The following DGKB variants were observed in gnomAD, a reference collection of about 807,000 sequenced individuals.
DGKB encodes diacylglycerol kinase beta.
A neutral mutation model predicts 114.3 loss-of-function variants in DGKB; 67 were observed. That is an observed-to-expected ratio of 0.59 (90% confidence interval 0.48 to 0.72). The LOEUF (loss-of-function observed/expected upper bound fraction) is 0.72, where lower values mean the gene tolerates loss of function less well. DGKB is among the 30% of genes least tolerant of loss of function. The pLI is 0.00. For synonymous variants in DGKB, 398 were observed against 323.1 expected (o/e 1.23, Z -2.49); for missense variants, 907 against 975.2 (o/e 0.93, Z 0.93).
intron 17 of DGKB, among the ~76,000 whole-genome samples, chr7:14,601,297 C>T (rs183079473): frequency 3.9e-5 from 6 of 152,122 alleles, no homozygotes; most frequent in Admixed American, 3.9e-4. Context: ...TGCTCTGAAT[C>T]CCTCTTTGAA....
chr7:14,591,895 A>T (rs1418645828), intron 17 of DGKB, among the ~76,000 whole-genome samples: 1 of 152,010 alleles, frequency 6.6e-6, no homozygotes, highest in East Asian at 1.9e-4. Flanking sequence ...CACACCAGGA[A>T]AACCTTTTTT....
chr7:14,283,995 A>G (rs1182530937), intron 23 of DGKB, among the ~76,000 whole-genome samples: 2 of 152,182 alleles, frequency 1.3e-5, no homozygotes, highest in African/African-American at 2.4e-5. Flanking sequence ...AATGGCAACA[A>G]AAGACAAAAT....
At chr7:14,584,978 C>T (rs964639518) in intron 17 of DGKB, among the ~76,000 whole-genome samples, 1 of 152,000 alleles carries the variant, frequency 6.6e-6, no homozygotes, top group Non-Finnish European at 1.5e-5. Flanking sequence ...TTTAATAATA[C>T]TTTAAAACTC....
At chr7:14,949,740 G>C (rs550553622) in intron 1 of DGKB, among the ~76,000 whole-genome samples, 49 of 151,978 alleles carry the variant, frequency 3.2e-4, no homozygotes, top group Admixed American at 2.9e-3. Context: ...AAGAAAATGT[G>C]GCACATATAC....
chr7:14,768,079 G>C (rs1263114175), intron 2 of DGKB, among the ~76,000 whole-genome samples: 1 of 151,924 alleles, frequency 6.6e-6, no homozygotes, highest in African/African-American at 2.4e-5. Flanking sequence ...TATTTATCCT[G>C]TGAGCATATA....
intron 23 of DGKB, among the ~76,000 whole-genome samples, chr7:14,217,598 TAAAA>T (rs950317802): frequency 6.9e-6 from 1 of 145,596 alleles, no homozygotes; most frequent in African/African-American, 2.5e-5. Context: ...CACGGGAAAT[TAAAA>T]AAAAAACTAG....
intron 9 of DGKB, among the ~76,000 whole-genome samples, chr7:14,691,198 T>A (rs1489155106): frequency 6.6e-6 from 1 of 152,210 alleles, no homozygotes; most frequent in African/African-American, 2.4e-5. Context: ...TGAAGATTAC[T>A]CTCCCAGGAC....
At chr7:14,660,485 A>C (rs1816810733) in intron 13 of DGKB, among the ~76,000 whole-genome samples, 1 of 152,094 alleles carries the variant, frequency 6.6e-6, no homozygotes, top group Non-Finnish European at 1.5e-5. Flanking sequence ...CATTTCTTCT[A>C]GATTTTCTAG....
intron 1 of DGKB, among the ~76,000 whole-genome samples, chr7:14,852,487 C>CAAAAAAAAAAAACAAAAAAA: frequency 1.6e-5 from 1 of 63,634 alleles, no homozygotes; most frequent in Non-Finnish European, 3.0e-5. Context: ...TAGTGAAAGT[C>CAAAAAAAAAAAACAAAAAAA]AAAAAAAAAA....
intron 23 of DGKB, among the ~76,000 whole-genome samples, chr7:14,255,365 G>A (rs1795812827): frequency 6.6e-6 from 1 of 152,090 alleles, no homozygotes; most frequent in Admixed American, 6.6e-5. Context: ...GAGTCAATAT[G>A]TGTATACTCT....
intron 20 of DGKB, among the ~76,000 whole-genome samples, chr7:14,512,293 A>G (rs1278428903): frequency 6.6e-6 from 1 of 152,112 alleles, no homozygotes; most frequent in Non-Finnish European, 1.5e-5. Flanking sequence ...AATCCACGTT[A>G]TTTTTACCTT....
intron 19 of DGKB, among the ~76,000 whole-genome samples, chr7:14,576,536 ATATAT>A (rs1475275369): frequency 6.6e-6 from 1 of 152,018 alleles, no homozygotes; most frequent in African/African-American, 2.4e-5. Context: ...GCATATAATT[ATATAT>A]TATAATATAG....
intron 1 of DGKB, among the ~76,000 whole-genome samples, chr7:14,850,828 T>C (rs778373295): frequency 4.6e-5 from 7 of 152,184 alleles, no homozygotes; most frequent in Admixed American, 3.9e-4. Flanking sequence ...CTAAGGAATC[T>C]AAAGGACAAA....
chr7:14,441,811 C>A (rs1461026637), intron 21 of DGKB, among the ~76,000 whole-genome samples: 1 of 151,914 alleles, frequency 6.6e-6, no homozygotes, highest in Non-Finnish European at 1.5e-5. Flanking sequence ...TTTAATGACA[C>A]ATTTAACAAA....
At chr7:14,960,693 T>A (rs1014061899) in intron 1 of DGKB, among the ~76,000 whole-genome samples, 1 of 152,086 alleles carries the variant, frequency 6.6e-6, no homozygotes, top group Admixed American at 6.6e-5. Flanking sequence ...TTCCCTAAAC[T>A]TTATTTGCTA....
At position 14,862,885 on chromosome 7, in the gene DGKB, A is replaced by T. The variant is rs1418972597; in HGVS notation, c.-187-21435T>A. 7.9e-5 allele frequency among the ~76,000 whole-genome samples: 12 copies of T among 152,212 alleles called. No homozygotes were observed. The East Asian group carries it at 2.1e-3, about 27-fold the overall frequency. On this transcript the variant is annotated intron_variant, in intron 1 of 25. Transcript: ENST00000402815. ...TTAATTCTACTGTGTTAAACATATT[A>T]TATAGCCACAAAATTTAGTATACTA... is the stretch of plus-strand genomic sequence containing the variant.
chr7:14,172,049 A>T (rs1366695138), intron 25 of DGKB, among the ~76,000 whole-genome samples: 1 of 152,202 alleles, frequency 6.6e-6, no homozygotes, highest in East Asian at 1.9e-4. Flanking sequence ...GAGAAGTGGA[A>T]GGAGGGGTTG....
chr7:14,246,566 C>T (rs1417050273), intron 23 of DGKB, among the ~76,000 whole-genome samples: 1 of 152,118 alleles, frequency 6.6e-6, no homozygotes, highest in Non-Finnish European at 1.5e-5. Context: ...AGAATATACT[C>T]TGTAAGTTTG....
At position 14,667,693 on chromosome 7, in the gene DGKB, C is replaced by T. The variant is rs189606838; in HGVS notation, c.1134+5236G>A. 3.8e-4 allele frequency among the ~76,000 whole-genome samples: 58 copies of T among 152,214 alleles called. 1 individual carries two copies. The Middle Eastern group carries it at 0.017, about 45-fold the overall frequency. On this transcript the variant is annotated intron_variant, in intron 13 of 25. Coordinates refer to ENST00000402815, the MANE Select transcript of DGKB (RefSeq NM_001350709.2). ...TGGAAAGTTACTGAAAGTTCGCAGA[C>T]TGAAAAGGCTCAGAGCCTATCAGCT...
Sources: gnomAD v4.1 joint callset for allele counts (sites outside exome capture counted in the v4.1 genomes callset) on GRCh38, gnomAD v4.1.1 for gene constraint, MANE v1.5 for transcripts, NCBI Gene and HGNC (gene_info 2026-07-23, HGNC 2026-07-21) for gene names.